ZNF512B: variants seen among roughly 807,000 people sequenced by gnomAD.
The protein encoded by ZNF512B is zinc finger protein 512B.
Under a neutral mutation model 87.8 loss-of-function variants are expected in ZNF512B, and 22 were observed. That is an observed-to-expected ratio of 0.25 (90% CI 0.18 to 0.36). The LOEUF (loss-of-function observed/expected upper bound fraction) is 0.36. Among genes scored for constraint, ZNF512B ranks in the 10% least tolerant of loss-of-function variants. The pLI, the probability that ZNF512B is intolerant of heterozygous loss-of-function variation, is 1.00. For synonymous variants in ZNF512B, 524 were observed against 490.9 expected (o/e 1.07, Z -0.89); for missense variants, 1,060 against 1,231.6 (o/e 0.86, Z 2.09).
Position 63,956,950 on chromosome 20 carries a change from T to C in ZNF512B, c.*2938A>G, listed in dbSNP as rs1005268531. The stretch of plus-strand genomic sequence containing the variant: ...TGGAACCTCTTTCAAAATGCACTTA[T>C]GTACTGAGAACTGGCATTAAAAAAC... On this transcript the variant is annotated 3_prime_UTR_variant, in exon 17 of 17. Transcript: ENST00000369888. 1 of 152,580 alleles carries C rather than the reference T, an allele frequency of 6.6e-6. No homozygotes were observed. Among genetic ancestry groups the C allele is most frequent in the Admixed American group, 6.5e-5 (1 of 15,286 alleles). The allele number at this position is 152,580 out of a possible 1,614,324, so 9.5% of individuals were successfully genotyped here.
Position 63,963,415 on chromosome 20 carries a change from C to T in ZNF512B, c.1724G>A (p.Gly575Glu). The change falls in exon 11 of 17, where the codon GGG becomes GAG. Residue 575 changes from glycine (G) to glutamate (E), a missense_variant. By Grantham distance (98) the Gly-to-Glu change is moderately conservative (BLOSUM62 -2). Transcript: ENST00000369888. Reference sequence around the variant, plus strand: ...CCTCTCGCGCTCCTCCTGCTCGCCCCCTTCGGAGGCCTCGGCGTCAGAGGG... The same window carrying T: ...CCTCTCGCGCTCCTCCTGCTCGCCCTCTTCGGAGGCCTCGGCGTCAGAGGG... ...AKPSDAEASEGGEQEERERLR... is the reference protein window; with the variant it reads ...AKPSDAEASEEGEQEERERLR... The T allele has an allele frequency of 6.5e-7, 1 of 1,548,588 alleles. No individual in the cohort carries two copies. The highest frequency in any genetic ancestry group is 8.7e-7 in the Non-Finnish European group (1 of 1,151,760).
rs1278852546 is a variant in ZNF512B at position 63,966,054 on chromosome 20, C to T, written c.1034+87G>A. 10 of 619,256 alleles carry T rather than the reference C, an allele frequency of 1.6e-5. No homozygotes were observed. The East Asian group carries it at 2.2e-4, about 13-fold the overall frequency. 38.4% of individuals were successfully genotyped at this position (619,256 alleles called of 1,614,324 possible). A position where few individuals can be genotyped will look rare whatever the true frequency, so the allele number is the denominator to read the frequency against. ...CCTGGGACGAGCCCCCATACCTTTT[C>T]TTACCACTGTTCCTCCCTGACCTGG... On this transcript the variant is annotated intron_variant, in intron 5 of 16. Transcript: ENST00000369888.
chr20:63,961,359 A>T lies in ZNF512B; in HGVS notation c.2377T>A (p.Phe793Ile). The T allele has an allele frequency of 6.2e-7, 1 of 1,612,526 alleles. No homozygotes were observed. Among genetic ancestry groups the T allele is most frequent in the Non-Finnish European group, 8.5e-7 (1 of 1,179,916 alleles). The change falls in exon 16 of 17, where the codon TTC becomes ATC. Residue 793 changes from phenylalanine (F) to isoleucine (I), a missense_variant. Phe to Ile is a conservative substitution (Grantham distance 21). This residue lies in a region of ZNF512B where 253 missense variants were observed against 259.2 expected (regional missense o/e 0.98). Coordinates refer to ENST00000369888, the MANE Select transcript of ZNF512B (RefSeq NM_020713.3). This position sits in a 1 kb window ranked among gnomAD's most constrained non-coding sequence, Gnocchi z 6.4. ...KYRCLLCPKE[F>I]SSESGVKYHI... ...TATTTGACGCCACTCTCAGAACTGA[A>T]CTCCTTCGGACACAGCAGACAGCGG...
At chr20:63,963,588 G>A (rs1173466981) in intron 10 of ZNF512B, 30 bp downstream of exon 10, 16 of 1,611,690 alleles carry the variant, frequency 9.9e-6, no homozygotes, top group East Asian at 6.7e-5. Context: ...CAGAGGTCAC[G>A]CTGGACGGGA....
At chr20:63,969,442 C>T (rs2058958635) in intron 1 of ZNF512B, among the ~76,000 whole-genome samples, 1 of 151,546 alleles carries the variant, frequency 6.6e-6, no homozygotes, top group Non-Finnish European at 1.5e-5. Context: ...CCGTTCGGCC[C>T]GGGACCCCGG....
rs769611631 is a variant in ZNF512B at position 63,959,867 on chromosome 20, G to T, written c.*21C>A. On this transcript the variant is annotated 3_prime_UTR_variant, in exon 17 of 17. Transcript: ENST00000369888. ...AGGGCGGTGTGGCGGCTGCATGGGG[G>T]CCAGGCCCCACGCACCATGCTCACT... The T allele has an allele frequency of 1.9e-6, 3 of 1,543,482 alleles. No individual in the cohort carries two copies. Among genetic ancestry groups the T allele is most frequent in the Non-Finnish European group, 2.6e-6 (3 of 1,153,288 alleles).
At position 63,961,524 on chromosome 20, in the gene ZNF512B, C is replaced by T; in HGVS notation, c.2329-117G>A. 1 of 973,452 alleles carries T rather than the reference C, an allele frequency of 1.0e-6. No individual in the cohort carries two copies. The highest frequency in any genetic ancestry group is 1.4e-5 in the South Asian group (1 of 72,710). The allele number at this position is 973,452 out of a possible 1,614,324, so 60.3% of individuals were successfully genotyped here. On this transcript the variant is annotated intron_variant, in intron 15 of 16. Transcript: ENST00000369888. The surrounding 1 kb of genome is among the most constrained non-coding windows in gnomAD (Gnocchi z 6.4). The stretch of plus-strand genomic sequence containing the variant: ...GTGGCCCAAGGAAAGCTGTGGCTGT[C>T]TGTGCCAGACAATGCAGGGGGCCAC...
chr20:63,962,117 T>C, intron 14 of ZNF512B, 113 bp from the exon 15 acceptor site: 1 of 1,362,192 alleles, frequency 7.3e-7, no homozygotes, highest in Non-Finnish European at 1.0e-6. Context: ...TGAGGGGGTG[T>C]GAGTCCTGGG....
At chr20:63,962,143 G>T in intron 14 of ZNF512B, 130 bp downstream of exon 14, 1 of 1,283,986 alleles carries the variant, frequency 7.8e-7, no homozygotes, top group African/African-American at 1.5e-5. Context: ...GGCAGGCTGG[G>T]CATGTGAGGC....
At chr20:63,968,719 A>T (rs2058952283) in intron 1 of ZNF512B, among the ~76,000 whole-genome samples, 1 of 152,174 alleles carries the variant, frequency 6.6e-6, no homozygotes. Context: ...GGATCCTCTC[A>T]GTCCTCTGCC....
intron 6 of ZNF512B, 23 bp downstream of exon 6, chr20:63,964,467 C>T (rs369797054): frequency 1.4e-4 from 218 of 1,613,182 alleles, no homozygotes; most frequent in Non-Finnish European, 1.7e-4. Flanking sequence ...CCCCGGCCGC[C>T]ACCCCTGGAG....
chr20:63,964,971 G>A (rs2058908001), intron 5 of ZNF512B, among the ~76,000 whole-genome samples: 1 of 35,052 alleles, frequency 2.9e-5, no homozygotes, highest in Non-Finnish European at 5.5e-5. Flanking sequence ...ACTGTTCCCC[G>A]ACCTGGGACG....
intron 7 of ZNF512B, 24 bp downstream of exon 7, chr20:63,964,296 G>T: frequency 6.2e-7 from 1 of 1,613,864 alleles, no homozygotes; most frequent in Non-Finnish European, 8.5e-7. Context: ...AGCCCTGGAG[G>T]TGCACACCGG....
Position 63,966,473 on chromosome 20 carries a change from C to A in ZNF512B, c.702G>T (p.Val234=). The A allele has an allele frequency of 6.2e-7, 1 of 1,613,732 alleles. No individual in the cohort carries two copies. Among genetic ancestry groups the A allele is most frequent in the South Asian group, 1.1e-5 (1 of 91,048 alleles). Residue 234 remains valine (V), a synonymous_variant, in exon 5 of 17, where the codon GTG becomes GTT. Transcript: ENST00000369888. The part of the protein sequence containing the change: ...VTKAIPVTRP[V]PVTKPVTVSR... ...TGACTGTGACAGGTTTGGTGACTGGCACGGGCCTAGTGACCGGGATGGCCT... is the reference window on the plus strand; with the variant it reads ...TGACTGTGACAGGTTTGGTGACTGGAACGGGCCTAGTGACCGGGATGGCCT...
intron 12 of ZNF512B, 128 bp from the exon 13 acceptor site, chr20:63,962,909 C>T (rs752448065): frequency 4.4e-5 from 56 of 1,270,172 alleles, no homozygotes; most frequent in Non-Finnish European, 5.7e-5. Context: ...ATGGCTGACG[C>T]AGGCAACCCG....
rs758055063 is a variant in ZNF512B at position 63,962,572 on chromosome 20, G to T, written c.2163+15C>A. The stretch of plus-strand genomic sequence containing the variant: ...GGCCACGGCGCTGTCCACAGCCCTG[G>T]GGGGGGCAGCTCACCCGTGCGGTCT... On this transcript the variant is annotated intron_variant, in intron 13 of 16. Transcript: ENST00000369888. 5.6e-6 allele frequency: 9 copies of T among 1,599,888 alleles called. No homozygotes were observed. The highest frequency in any genetic ancestry group is 4.0e-5 in the African/African-American group (3 of 74,768).
chr20:63,966,024 C>T, intron 5 of ZNF512B, 117 bp downstream of exon 5: 1 of 623,618 alleles, frequency 1.6e-6, no homozygotes, highest in East Asian at 2.4e-5. Context: ...ACCACTGTTC[C>T]CCGACCTGGG....
chr20:63,969,088 G>T, intron 1 of ZNF512B: 1 of 984,400 alleles, frequency 1.0e-6, no homozygotes, highest in Non-Finnish European at 1.2e-6. Context: ...TGCCAAGGGG[G>T]AGGCCAGTGT....
In ZNF512B at chr20:63,969,893, C is replaced by T. The variant is rs1427235960; in HGVS notation, c.-82G>A. Reference sequence around the variant, plus strand: ...CGGGGCGCGGGGCGCTGGGTCCGGGCGGCGCAGGCTGCGCGCCGCGCTGCG... The same window carrying T: ...CGGGGCGCGGGGCGCTGGGTCCGGGTGGCGCAGGCTGCGCGCCGCGCTGCG... On this transcript the variant is annotated 5_prime_UTR_variant, in exon 1 of 17. Coordinates refer to ENST00000369888, the MANE Select transcript of ZNF512B (RefSeq NM_020713.3). 2.1e-5 allele frequency: 3 copies of T among 145,788 alleles called. No individual in the cohort carries two copies. The highest frequency in any genetic ancestry group is 7.4e-5 in the African/African-American group (3 of 40,494). 9.0% of individuals were successfully genotyped at this position (145,788 alleles called of 1,614,324 possible).
Sources: allele counts gnomAD v4.1 joint callset (sites outside exome capture counted in the v4.1 genomes callset), GRCh38; gene constraint gnomAD v4.1.1; regional missense constraint gnomAD v4.1.1; non-coding constraint Gnocchi (gnomAD v3.1); transcripts MANE v1.5; gene names NCBI Gene and HGNC (gene_info 2026-07-23, HGNC 2026-07-21).